FGF9: variants seen among roughly 807,000 people sequenced by gnomAD.
The protein encoded by FGF9 is fibroblast growth factor 9.
In FGF9, 3 loss-of-function variants were observed where a neutral mutation model predicts 19.9. That is an observed-to-expected ratio of 0.15 (90% CI 0.07 to 0.39). FGF9 has a LOEUF of 0.39. FGF9 is among the 10% of genes least tolerant of loss of function. The probability of loss-of-function intolerance (pLI) is 1.00; values close to 1 mark genes in which losing one functional copy is unlikely to be tolerated. For missense variants in FGF9, 175 were observed against 256.8 expected, an observed-to-expected ratio of 0.68 and a Z score of 2.18; for synonymous variants, 107 against 106.9, an observed-to-expected ratio of 1.00 and a Z score of -0.01.
rs140788843 is a variant in FGF9 at position 21,674,428 on chromosome 13, G to A, written c.277+2239G>A. ...TTGTTAACCGCTTTCCGAGAGCAGA[G>A]CTCGCGAGCTCGCCGATCGCGATCT... On this transcript the variant is annotated intron_variant, in intron 1 of 2. Transcript: ENST00000382353. Among the ~76,000 whole-genome samples, 854 of 152,084 alleles carry A rather than the reference G, an allele frequency of 5.6e-3. 10 individuals are homozygous for A. The highest frequency in any genetic ancestry group is 0.02 in the African/African-American group (820 of 41,534).
rs749555659 is a variant in FGF9 at position 21,672,059 on chromosome 13, C to A, written c.147C>A (p.Pro49=). 3 of 1,614,194 alleles carry A rather than the reference C, an allele frequency of 1.9e-6. No homozygotes were observed. Among genetic ancestry groups the A allele is most frequent in the Non-Finnish European group, 2.5e-6 (3 of 1,180,034 alleles). Residue 49 remains proline (P), a synonymous_variant, in exon 1 of 3, where the codon CCC becomes CCA. Transcript: ENST00000382353. The surrounding 1 kb of genome is among the most constrained non-coding windows in gnomAD (Gnocchi z 4.2). ...QSEAGGLPRG[P]AVTDLDHLKG... Reference sequence around the variant, plus strand: ...AAGCAGGGGGGCTCCCCAGGGGACCCGCAGTCACGGACTTGGATCATTTAA... The same window carrying A: ...AAGCAGGGGGGCTCCCCAGGGGACCAGCAGTCACGGACTTGGATCATTTAA...
At chr13:21,695,017 C>T (rs1872371308) in intron 2 of FGF9, among the ~76,000 whole-genome samples, 1 of 151,866 alleles carries the variant, frequency 6.6e-6, no homozygotes, top group Non-Finnish European at 1.5e-5. Context: ...CTGTCCTTGG[C>T]AGCAGACTGG....
chr13:21,696,078 T>A (rs1872404794), intron 2 of FGF9, among the ~76,000 whole-genome samples: 1 of 152,258 alleles, frequency 6.6e-6, no homozygotes, highest in Non-Finnish European at 1.5e-5. Flanking sequence ...AGATACGAAT[T>A]GAGCATAATG....
rs913223918 is a variant in FGF9, at chr13:21,704,188, A to G, written c.*2753A>G. 3.9e-5 allele frequency: 6 copies of G among 152,140 alleles called. No individual in the cohort carries two copies. The highest frequency in any genetic ancestry group is 8.8e-5 in the Non-Finnish European group (6 of 68,038). The allele number at this position is 152,140 out of a possible 1,614,324, so 9.4% of individuals were successfully genotyped here. ...CACAAACAGATGCTTAGATAGCCAAACCACTGTCTTGTTGGTGCCAACACT... is the reference window on the plus strand; with the variant it reads ...CACAAACAGATGCTTAGATAGCCAAGCCACTGTCTTGTTGGTGCCAACACT... On this transcript the variant is annotated 3_prime_UTR_variant, in exon 3 of 3. Transcript: ENST00000382353.
chr13:21,690,329 TAGTTCACTCACACAC>T (rs1386753687), intron 2 of FGF9, among the ~76,000 whole-genome samples: 1 of 152,114 alleles, frequency 6.6e-6, no homozygotes, highest in Non-Finnish European at 1.5e-5. Context: ...CTTCTTTTCA[TAGTTCACTCACACAC>T]ACTGACTTGC....
chr13:21,700,020 G>A (rs1308378508), intron 2 of FGF9, among the ~76,000 whole-genome samples: 3 of 12,350 alleles, frequency 2.4e-4, no homozygotes, highest in African/African-American at 4.8e-4. Flanking sequence ...GATGTGGTGT[G>A]TGTGTGTGTG....
At chr13:21,694,000 C>G (rs575223407) in intron 2 of FGF9, among the ~76,000 whole-genome samples, 1 of 152,252 alleles carries the variant, frequency 6.6e-6, no homozygotes, top group South Asian at 2.1e-4. Flanking sequence ...TTCAATATGT[C>G]CTTCCAGAGT....
In FGF9 at chr13:21,702,801, A is replaced by G. The variant is rs1039883672; in HGVS notation, c.*1366A>G. Reference sequence around the variant, plus strand: ...ATTACGTGGTAATAGCACCCTTAGTAAAACTTGCAAAATGAAACTAATAAA... The same window carrying G: ...ATTACGTGGTAATAGCACCCTTAGTGAAACTTGCAAAATGAAACTAATAAA... On this transcript the variant is annotated 3_prime_UTR_variant, in exon 3 of 3. Transcript: ENST00000382353. The G allele has an allele frequency of 6.6e-6, 1 of 152,236 alleles. No individual in the cohort carries two copies. The highest frequency in any genetic ancestry group is 1.5e-5 in the Non-Finnish European group (1 of 68,040). The allele number at this position is 152,236 out of a possible 1,614,324, so 9.4% of individuals were successfully genotyped here.
rs189988710 is a variant in FGF9 at position 21,702,304 on chromosome 13, C to T, written c.*869C>T. ...TTATTGTAAACTTATGCACATCGCTCATGACACTGAGTATTCACTCTTCAG... is the reference window on the plus strand; with the variant it reads ...TTATTGTAAACTTATGCACATCGCTTATGACACTGAGTATTCACTCTTCAG... On this transcript the variant is annotated 3_prime_UTR_variant, in exon 3 of 3. Coordinates refer to ENST00000382353, the MANE Select transcript of FGF9 (RefSeq NM_002010.3). 2 of 152,294 alleles carry T rather than the reference C, an allele frequency of 1.3e-5. No individual in the cohort carries two copies. The highest frequency in any genetic ancestry group is 1.9e-4 in the East Asian group (1 of 5,178). 9.4% of individuals were successfully genotyped at this position (152,294 alleles called of 1,614,324 possible).
At position 21,672,789 on chromosome 13, in the gene FGF9, G is replaced by C. The variant is rs899284125; in HGVS notation, c.277+600G>C. Among the ~76,000 whole-genome samples the C allele has an allele frequency of 5.3e-5, 8 of 152,186 alleles. No individual in the cohort carries two copies. Among genetic ancestry groups the C allele is most frequent in the Admixed American group, 1.3e-4 (2 of 15,278 alleles). On this transcript the variant is annotated intron_variant, in intron 1 of 2. Transcript: ENST00000382353. This position sits in a 1 kb window ranked among gnomAD's most constrained non-coding sequence, Gnocchi z 4.2. ...CGTGAAAAGCAGGGGCAGAGGCTTGGGGGAAAATGACTTGGGAAGAGGCAG... is the reference window on the plus strand; with the variant it reads ...CGTGAAAAGCAGGGGCAGAGGCTTGCGGGAAAATGACTTGGGAAGAGGCAG...
chr13:21,695,083 C>A (rs78754654), intron 2 of FGF9, among the ~76,000 whole-genome samples: 6 of 137,144 alleles, frequency 4.4e-5, no homozygotes, highest in African/African-American at 1.4e-4. Context: ...TGTGTGTGTG[C>A]GTGTGTGTGT....
intron 1 of FGF9, among the ~76,000 whole-genome samples, chr13:21,674,697 C>A (rs1429801476): frequency 4.0e-5 from 6 of 151,558 alleles, no homozygotes; most frequent in African/African-American, 1.5e-4. Flanking sequence ...CACCCCTTCC[C>A]TCCATGAGCA....
At position 21,701,701 on chromosome 13, in the gene FGF9, G is replaced by GTGTGTGTT; in HGVS notation, c.*273_*274insTTGTGTGT. 1 of 446,290 alleles carries GTGTGTGTT rather than the reference G, an allele frequency of 2.2e-6. No individual in the cohort carries two copies. Among genetic ancestry groups the GTGTGTGTT allele is most frequent in the African/African-American group, 2.6e-5 (1 of 39,128 alleles). 27.6% of individuals were successfully genotyped at this position (446,290 alleles called of 1,614,324 possible). ...GAGAGAGAGAGACTGAGCGCTAGGA[G>GTGTGTGTT]TGTGTGTATGTGTGTGTGTGTGTGT... is the stretch of plus-strand genomic sequence containing the variant. On this transcript the variant is annotated 3_prime_UTR_variant, in exon 3 of 3. Coordinates refer to ENST00000382353, the MANE Select transcript of FGF9 (RefSeq NM_002010.3).
chr13:21,690,185 G>A (rs1439521416), intron 2 of FGF9, among the ~76,000 whole-genome samples: 2 of 151,910 alleles, frequency 1.3e-5, no homozygotes, highest in Non-Finnish European at 2.9e-5. Flanking sequence ...TCGCACACTC[G>A]CTCACACACT....
At chr13:21,686,669 G>A (rs1176757037) in intron 2 of FGF9, among the ~76,000 whole-genome samples, 1 of 152,170 alleles carries the variant, frequency 6.6e-6, no homozygotes, top group East Asian at 1.9e-4. Flanking sequence ...AGAGTCTTTG[G>A]CTTTATAATT....
rs567851187 is a variant in FGF9, at chr13:21,697,691, C to A, written c.382-3499C>A. 1.2e-3 allele frequency among the ~76,000 whole-genome samples: 184 copies of A among 152,210 alleles called. 1 individual carries two copies. The highest frequency in any genetic ancestry group is 3.8e-3 in the African/African-American group (158 of 41,544). On this transcript the variant is annotated intron_variant, in intron 2 of 2. Transcript: ENST00000382353. ...CATGTTTCATTCTTAGATAGTGATA[C>A]CTCTACCACTGCGGAATTTTGTTCA... is the stretch of plus-strand genomic sequence containing the variant.
chr13:21,701,496 T>G lies in FGF9; in HGVS notation c.*61T>G. ...TAACCACTATAAAGGTTTCACGCGG[T>G]GGGTTCTTATTGATTCGCTGTGTCA... On this transcript the variant is annotated 3_prime_UTR_variant, in exon 3 of 3. Coordinates refer to ENST00000382353, the MANE Select transcript of FGF9 (RefSeq NM_002010.3). 1 of 1,611,786 alleles carries G rather than the reference T, an allele frequency of 6.2e-7. No individual in the cohort carries two copies. Among genetic ancestry groups the G allele is most frequent in the South Asian group, 1.1e-5 (1 of 90,674 alleles).
At position 21,687,719 on chromosome 13, in the gene FGF9, C is replaced by T. The variant is rs1872194451; in HGVS notation, c.381+6574C>T. On this transcript the variant is annotated intron_variant, in intron 2 of 2. Coordinates refer to ENST00000382353, the MANE Select transcript of FGF9 (RefSeq NM_002010.3). ...ATCTGATCTTCACTTATCTCAGACACACCACCGATGTACTCAGTGTGCCTT... is the reference window on the plus strand; with the variant it reads ...ATCTGATCTTCACTTATCTCAGACATACCACCGATGTACTCAGTGTGCCTT... 2.6e-5 allele frequency among the ~76,000 whole-genome samples: 4 copies of T among 152,202 alleles called. No individual in the cohort carries two copies. The South Asian group carries it at 8.3e-4, about 32-fold the overall frequency.
chr13:21,695,594 C>T (rs1872389253), intron 2 of FGF9, among the ~76,000 whole-genome samples: 1 of 152,156 alleles, frequency 6.6e-6, no homozygotes, highest in Non-Finnish European at 1.5e-5. Context: ...AAAGACCTGG[C>T]TTCTTATTAA....
Sources: allele counts gnomAD v4.1 joint callset (sites outside exome capture counted in the v4.1 genomes callset), GRCh38; gene constraint gnomAD v4.1.1; non-coding constraint Gnocchi (gnomAD v3.1); transcripts MANE v1.5; gene names NCBI Gene and HGNC (gene_info 2026-07-23, HGNC 2026-07-21).